The following SHROOM3 variants were observed in gnomAD, a reference collection of about 807,000 sequenced individuals.
The protein encoded by SHROOM3 is protein Shroom3.
SHROOM3 carries 47 observed loss-of-function variants against 138.6 expected under a neutral mutation model. That is an observed-to-expected ratio of 0.34 (90% CI 0.27 to 0.43). SHROOM3 has a LOEUF of 0.43. Among genes scored for constraint, SHROOM3 ranks in the 20% least tolerant of loss-of-function variants. The pLI is 1.00. For synonymous variants in SHROOM3, 1,062 were observed against 1,063.3 expected, an observed-to-expected ratio of 1.00 and a Z score of 0.02; for missense variants, 2,491 against 2,596.5, an observed-to-expected ratio of 0.96 and a Z score of 0.88.
At position 76,615,006 on chromosome 4, in the gene SHROOM3, G is replaced by A. The variant is rs949821812; in HGVS notation, c.323+59243G>A. 4.6e-5 allele frequency among the ~76,000 whole-genome samples: 7 copies of A among 152,256 alleles called. No homozygotes were observed. In the South Asian group the frequency reaches 8.3e-4, roughly 18 times the overall value. ...TGAGCTATGATTTGTGCCATTCTGG[G>A]AAAAATGACTGTTGCCCTCTGAGAT... On this transcript the variant is annotated intron_variant, in intron 2 of 10. Transcript: ENST00000296043.
Position 76,749,106 on chromosome 4 carries a change from T to TA in SHROOM3, c.3827+17dup. ...CTGGATCTAGGTATGTACATGTACT[T>TA]ATGATGCTCTCTGCATATGAATGCT... On this transcript the variant is annotated intron_variant, in intron 6 of 10. Transcript: ENST00000296043. The TA allele has an allele frequency of 1.2e-6, 2 of 1,608,096 alleles. No individual in the cohort carries two copies. Among genetic ancestry groups the TA allele is most frequent in the Non-Finnish European group, 1.7e-6 (2 of 1,174,482 alleles).
chr4:76,738,662 C>A, intron 4 of SHROOM3, 99 bp from the exon 5 acceptor site: 2 of 1,437,734 alleles, frequency 1.4e-6, no homozygotes, highest in Admixed American at 1.7e-5. Context: ...AAACACCAAA[C>A]CTCTTGCACA....
chr4:76,463,169 G>A (rs1731176218), intron 1 of SHROOM3, among the ~76,000 whole-genome samples: 1 of 152,200 alleles, frequency 6.6e-6, no homozygotes, highest in Admixed American at 6.5e-5. Context: ...TGAAGTCCAG[G>A]CTGAGGAGGT....
At position 76,549,656 on chromosome 4, in the gene SHROOM3, T is replaced by C. The variant is rs111683790; in HGVS notation, c.169-5953T>C. On this transcript the variant is annotated intron_variant, in intron 1 of 10. Coordinates refer to ENST00000296043, the MANE Select transcript of SHROOM3 (RefSeq NM_020859.4). The stretch of plus-strand genomic sequence containing the variant: ...TGCTGGGATTATAGGTGTGAGCCAC[T>C]GCGCCCGGCAGTGGCTTCAACTTTC... Among the ~76,000 whole-genome samples, 656 of 152,272 alleles carry C rather than the reference T, an allele frequency of 4.3e-3. 5 individuals are homozygous for C. The highest frequency in any genetic ancestry group is 0.015 in the African/African-American group (625 of 41,560).
chr4:76,584,441 A>G (rs1310401641), intron 2 of SHROOM3, among the ~76,000 whole-genome samples: 1 of 152,192 alleles, frequency 6.6e-6, no homozygotes, highest in African/African-American at 2.4e-5. Context: ...ATGTTGTCAC[A>G]GAGAATCTGG....
At chr4:76,637,414 G>A (rs1366641753) in intron 2 of SHROOM3, 1 of 152,144 alleles carries the variant, frequency 6.6e-6, no homozygotes, top group Non-Finnish European at 1.5e-5. Context: ...ACGGAACTGT[G>A]GTAGTAAAAA....
chr4:76,571,258 A>T (rs886254119), intron 2 of SHROOM3, among the ~76,000 whole-genome samples: 1 of 152,256 alleles, frequency 6.6e-6, no homozygotes, highest in Admixed American at 6.5e-5. Flanking sequence ...TTTAAACTCC[A>T]GTCTATCTGA....
chr4:76,585,212 G>A (rs940927021), intron 2 of SHROOM3, among the ~76,000 whole-genome samples: 8 of 152,084 alleles, frequency 5.3e-5, no homozygotes, highest in Non-Finnish European at 1.5e-5. Flanking sequence ...TGGGGAGGGG[G>A]GCATGCTCCC....
chr4:76,580,909 A>G (rs1169894837), intron 2 of SHROOM3, among the ~76,000 whole-genome samples: 1 of 152,206 alleles, frequency 6.6e-6, no homozygotes, highest in Non-Finnish European at 1.5e-5. Context: ...CGTAACTGAT[A>G]TGTGCTTCTA....
intron 2 of SHROOM3, among the ~76,000 whole-genome samples, chr4:76,617,116 G>C (rs897333708): frequency 2.0e-5 from 3 of 152,218 alleles, no homozygotes; most frequent in Admixed American, 2.0e-4. Flanking sequence ...AAGAGCACAG[G>C]CTCCAGGGCC....
intron 2 of SHROOM3, among the ~76,000 whole-genome samples, chr4:76,597,618 GA>G (rs1291733969): frequency 6.6e-6 from 1 of 152,174 alleles, no homozygotes; most frequent in Non-Finnish European, 1.5e-5. Flanking sequence ...AGGAGCCAGT[GA>G]AGGACAAAAC....
At position 76,738,815 on chromosome 4, in the gene SHROOM3, T is replaced by C. The variant is rs1235975668; in HGVS notation, c.642T>C (p.Pro214=). ...NYDHAYLRRS[P]DQCSSQGSME... ...ACCATGCTTATCTAAGGCGGAGCCC[T>C]GACCAGTGCAGCTCCCAGGGGAGCA... is the stretch of plus-strand genomic sequence containing the variant. Residue 214 remains proline, a synonymous_variant, in exon 5 of 11, where the codon CCT becomes CCC. Transcript: ENST00000296043. 3 of 1,614,234 alleles carry C rather than the reference T, an allele frequency of 1.9e-6. No individual in the cohort carries two copies. Among genetic ancestry groups the C allele is most frequent in the Admixed American group, 3.3e-5 (2 of 60,022 alleles).
intron 2 of SHROOM3, among the ~76,000 whole-genome samples, chr4:76,649,741 A>G (rs1735912202): frequency 6.6e-6 from 1 of 152,338 alleles, no homozygotes; most frequent in African/African-American, 2.4e-5. Flanking sequence ...ATAGGAAATC[A>G]CTGTCAAAAT....
chr4:76,551,183 G>T (rs937223142), intron 1 of SHROOM3, among the ~76,000 whole-genome samples: 9 of 151,866 alleles, frequency 5.9e-5, no homozygotes, highest in Non-Finnish European at 1.0e-4. Context: ...TTCTAAAAGT[G>T]CAGTGCAAAA....
chr4:76,774,265 T>C (rs908761563), intron 10 of SHROOM3, among the ~76,000 whole-genome samples: 3 of 152,204 alleles, frequency 2.0e-5, no homozygotes, highest in African/African-American at 7.2e-5. Context: ...CGAATTAAAT[T>C]CAACACTTAC....
intron 2 of SHROOM3, among the ~76,000 whole-genome samples, chr4:76,669,480 TG>T (rs764565673): frequency 3.6e-4 from 54 of 152,004 alleles, no homozygotes; most frequent in Non-Finnish European, 5.7e-4. Context: ...AAGAATTAGC[TG>T]GGTGTGCCTG....
At chr4:76,592,398 C>T (rs963446501) in intron 2 of SHROOM3, among the ~76,000 whole-genome samples, 9 of 152,332 alleles carry the variant, frequency 5.9e-5, no homozygotes, top group African/African-American at 1.9e-4. Context: ...AGAAAATCTT[C>T]GGTACTTGTT....
At chr4:76,461,020 T>A (rs1165395674) in intron 1 of SHROOM3, among the ~76,000 whole-genome samples, 34 of 141,690 alleles carry the variant, frequency 2.4e-4, no homozygotes, top group African/African-American at 3.4e-4. Flanking sequence ...AAAAAAAATT[T>A]AAAAAAAAAA....
chr4:76,484,604 CAAACAAAA>C (rs201566017), intron 1 of SHROOM3, among the ~76,000 whole-genome samples: 20,206 of 147,738 alleles, frequency 0.14, 1,548 homozygotes, highest in African/African-American at 0.22. Context: ...AACAAACAAA[CAAACAAAA>C]AGTCTTAGGA....
Sources: gnomAD v4.1 joint callset for allele counts (sites outside exome capture counted in the v4.1 genomes callset) on GRCh38, gnomAD v4.1.1 for gene constraint, MANE v1.5 for transcripts, NCBI Gene and HGNC (gene_info 2026-07-23, HGNC 2026-07-21) for gene names.